CPA3: variants seen among roughly 807,000 people sequenced by gnomAD.
The protein encoded by CPA3 is mast cell carboxypeptidase A.
CPA3 carries 52 observed loss-of-function variants against 55.8 expected under a neutral mutation model. The observed-to-expected ratio is 0.93, with a 90% CI of 0.75 to 1.17. The LOEUF (loss-of-function observed/expected upper bound fraction) is 1.17, where lower values mean the gene tolerates loss of function less well. Among genes scored for constraint, CPA3 ranks in the 50% most tolerant of loss-of-function variants. The probability of loss-of-function intolerance (pLI) is 0.00; values close to 1 mark genes in which losing one functional copy is unlikely to be tolerated. For missense variants in CPA3, 547 were observed against 509.1 expected (o/e 1.07, Z -0.72); for synonymous variants, 179 against 171.2 (o/e 1.05, Z -0.36).
Position 148,868,905 on chromosome 3 carries a change from A to C in CPA3, c.145-10A>C. On this transcript the variant is annotated splice_polypyrimidine_tract_variant and intron_variant, in intron 2 of 10. Coordinates refer to ENST00000296046, the MANE Select transcript of CPA3 (RefSeq NM_001870.4). ...ATAAACTCTGACTAACATTGAGCTT[A>C]TCTCTGCAGCTTGACTTCTGGTATC... The C allele has an allele frequency of 6.2e-7, 1 of 1,612,920 alleles. No homozygotes were observed. Among genetic ancestry groups the C allele is most frequent in the Non-Finnish European group, 8.5e-7 (1 of 1,179,746 alleles).
chr3:148,878,424 A>T lies in CPA3; in HGVS notation c.270-17A>T. ...CTCATGATAAAACATGTATTTTATC[A>T]TTCCCCTGTCAAACAGAATCTTGAT... On this transcript the variant is annotated splice_polypyrimidine_tract_variant and intron_variant, in intron 3 of 10. Coordinates refer to ENST00000296046, the MANE Select transcript of CPA3 (RefSeq NM_001870.4). The T allele has an allele frequency of 1.3e-6, 2 of 1,513,722 alleles. No homozygotes were observed. Among genetic ancestry groups the T allele is most frequent in the Non-Finnish European group, 1.8e-6 (2 of 1,088,896 alleles). The allele number at this position is 1,513,722 out of a possible 1,614,324, so 93.8% of individuals were successfully genotyped here. A position where few individuals can be genotyped will look rare whatever the true frequency, so the allele number is the denominator to read the frequency against.
At chr3:148,884,896 G>C (rs1251079475) in intron 9 of CPA3, among the ~76,000 whole-genome samples, 1 of 151,004 alleles carries the variant, frequency 6.6e-6, no homozygotes, top group East Asian at 1.9e-4. Flanking sequence ...TGAGTAAAAT[G>C]AGAGTTCTTG....
Position 148,865,563 on chromosome 3 carries a change from G to A in CPA3, c.144+15G>A, listed in dbSNP as rs781244498. ...AAACCAATGAGGTAAGCATTTAGAG[G>A]GATATTTTATCTTTTCTTACTGTTC... On this transcript the variant is annotated intron_variant, in intron 2 of 10. Coordinates refer to ENST00000296046, the MANE Select transcript of CPA3 (RefSeq NM_001870.4). 2 of 1,603,916 alleles carry A rather than the reference G, an allele frequency of 1.2e-6. No homozygotes were observed. The highest frequency in any genetic ancestry group is 1.7e-6 in the Non-Finnish European group (2 of 1,173,086).
Position 148,896,709 on chromosome 3 carries a change from G to T in CPA3, c.*2G>T, listed in dbSNP as rs1714841632. On this transcript the variant is annotated 3_prime_UTR_variant, in exon 11 of 11. Transcript: ENST00000296046. ...TATATCCTCAAGCATACTTCCTAAA[G>T]AACTGCCCTCTGTTTGGAATAAGCC... 1.3e-6 allele frequency: 2 copies of T among 1,504,386 alleles called. No individual in the cohort carries two copies. The highest frequency in any genetic ancestry group is 1.8e-6 in the Non-Finnish European group (2 of 1,104,682). The allele number at this position is 1,504,386 out of a possible 1,614,324, so 93.2% of individuals were successfully genotyped here.
Position 148,865,546 on chromosome 3 carries a change from G to A in CPA3, c.142G>A (p.Glu48Lys), listed in dbSNP as rs751066330. ...DIIKDLAKTN[E>K]LDFWYPGATH... is the part of the protein sequence containing the mutation. ...CATAAAGGACTTGGCCAAAACCAAT[G>A]AGGTAAGCATTTAGAGGGATATTTT... Residue 48 changes from glutamate to lysine, a missense_variant and splice_region_variant, in exon 2 of 11, where the codon GAG becomes AAG. By Grantham distance (56) the Glu-to-Lys change is moderately conservative. Coordinates refer to ENST00000296046, the MANE Select transcript of CPA3 (RefSeq NM_001870.4). 2.5e-6 allele frequency: 4 copies of A among 1,613,344 alleles called. No homozygotes were observed. Among genetic ancestry groups the A allele is most frequent in the South Asian group, 1.1e-5 (1 of 91,020 alleles).
intron 10 of CPA3, among the ~76,000 whole-genome samples, chr3:148,888,930 C>T (rs1714601162): frequency 1.3e-5 from 2 of 152,198 alleles, no homozygotes; most frequent in South Asian, 2.1e-4. Context: ...AAGGAAGTCA[C>T]ATTCTAAGTG....
chr3:148,890,412 C>T (rs1714638210), intron 10 of CPA3, among the ~76,000 whole-genome samples: 1 of 152,052 alleles, frequency 6.6e-6, no homozygotes, highest in African/African-American at 2.4e-5. Context: ...TTGTAGCTTC[C>T]TTTGTGTACC....
At chr3:148,881,490 C>A in intron 6 of CPA3, 32 bp from the exon 7 acceptor site, 1 of 1,361,270 alleles carries the variant, frequency 7.3e-7, no homozygotes, top group Non-Finnish European at 1.0e-6. Flanking sequence ...AAACTTCATA[C>A]CAATAGCTTA....
intron 3 of CPA3, among the ~76,000 whole-genome samples, chr3:148,871,680 G>A (rs1559966427): frequency 6.6e-6 from 1 of 152,042 alleles, no homozygotes; most frequent in Non-Finnish European, 1.5e-5. Flanking sequence ...TCTACGTCAA[G>A]TACCAAAGTG....
intron 5 of CPA3, among the ~76,000 whole-genome samples, chr3:148,879,254 G>T (rs1714294919): frequency 6.6e-6 from 1 of 152,110 alleles, no homozygotes. Context: ...TAACAAGTGA[G>T]AAGCCCATCC....
intron 2 of CPA3, among the ~76,000 whole-genome samples, chr3:148,867,962 C>A (rs1713950594): frequency 6.6e-6 from 1 of 152,160 alleles, no homozygotes; most frequent in Non-Finnish European, 1.5e-5. Flanking sequence ...ATAGCGAGAT[C>A]TCGGCTCACT....
chr3:148,866,070 A>G (rs1713892810), intron 2 of CPA3, among the ~76,000 whole-genome samples: 1 of 152,174 alleles, frequency 6.6e-6, no homozygotes, highest in South Asian at 2.1e-4. Context: ...AGCTGCTCCT[A>G]TTTATGTTGC....
Position 148,865,312 on chromosome 3 carries a change from G to A in CPA3, c.5G>A (p.Arg2Lys). 6.2e-7 allele frequency: 1 copy of A among 1,614,058 alleles called. No individual in the cohort carries two copies. Among genetic ancestry groups the A allele is most frequent in the Non-Finnish European group, 8.5e-7 (1 of 1,179,980 alleles). Residue 2 changes from arginine to lysine, a missense_variant, in exon 1 of 11, where the codon AGG becomes AAG. Physicochemically the swap from Arg to Lys is conservative, Grantham distance 26 (BLOSUM62 2). Transcript: ENST00000296046. The part of the protein sequence containing the change: M[R>K]LILPVGLIAT... ...CAAGGCAGGCAAAGAAGAACCATGA[G>A]GCTCATCCTGCCTGTGGGTTTGATT...
intron 2 of CPA3, among the ~76,000 whole-genome samples, chr3:148,868,308 G>A (rs1713963140): frequency 6.6e-6 from 1 of 152,078 alleles, no homozygotes; most frequent in South Asian, 2.1e-4. Flanking sequence ...CTGTCTTCAT[G>A]CCCCAGACCT....
Position 148,868,988 on chromosome 3 carries a change from A to T in CPA3, c.218A>T (p.Lys73Met). Reference sequence around the variant, plus strand: ...ATGGTGGATTTCCGAGTTAGTGAGAAGGAATCCCAAGCCATCCAGTCTGCC... The same window carrying T: ...ATGGTGGATTTCCGAGTTAGTGAGATGGAATCCCAAGCCATCCAGTCTGCC... ...NMMVDFRVSE[K>M]ESQAIQSALD... is the part of the protein sequence containing the mutation. Residue 73 changes from lysine to methionine, a missense_variant, in exon 3 of 11, where the codon AAG becomes ATG. Transcript: ENST00000296046. 1.2e-6 allele frequency: 2 copies of T among 1,614,132 alleles called. No homozygotes were observed. Among genetic ancestry groups the T allele is most frequent in the Non-Finnish European group, 1.7e-6 (2 of 1,179,974 alleles).
chr3:148,892,947 T>C (rs1714715685), intron 10 of CPA3, among the ~76,000 whole-genome samples: 1 of 150,518 alleles, frequency 6.6e-6, no homozygotes, highest in African/African-American at 2.4e-5. Flanking sequence ...AGAGTGAGAC[T>C]CCATCTCAAA....
At chr3:148,882,703 G>A (rs1714404788) in intron 8 of CPA3, 108 bp downstream of exon 8, 2 of 819,964 alleles carry the variant, frequency 2.4e-6, no homozygotes, top group Admixed American at 2.3e-5. Context: ...CTTTGAGTGA[G>A]TGTTAACTTT....
chr3:148,892,557 G>A (rs1229346567), intron 10 of CPA3, among the ~76,000 whole-genome samples: 2 of 152,066 alleles, frequency 1.3e-5, no homozygotes, highest in African/African-American at 4.8e-5. Flanking sequence ...AGAGGCCGAG[G>A]CAGGAGAATT....
chr3:148,891,541 AT>A (rs1296204863), intron 10 of CPA3, among the ~76,000 whole-genome samples: 3 of 151,266 alleles, frequency 2.0e-5, no homozygotes, highest in Non-Finnish European at 2.9e-5. Flanking sequence ...CAAATTCTAT[AT>A]TTTTTTCTCA....
Sources: allele counts gnomAD v4.1 joint callset (sites outside exome capture counted in the v4.1 genomes callset), GRCh38; gene constraint gnomAD v4.1.1; transcripts MANE v1.5; gene names NCBI Gene and HGNC (gene_info 2026-07-23, HGNC 2026-07-21).